Variants in RERE observed in about 807,000 individuals in gnomAD.
RERE encodes the protein arginine-glutamic acid dipeptide repeats protein.
In RERE, 40 loss-of-function variants were observed where a neutral mutation model predicts 146.1. The observed-to-expected ratio is 0.27, with a 90% CI of 0.21 to 0.36. The LOEUF (loss-of-function observed/expected upper bound fraction) is 0.36, where lower values mean the gene tolerates loss of function less well. Among genes scored for constraint, RERE ranks in the 10% least tolerant of loss-of-function variants. The pLI is 1.00. For missense variants in RERE, 1,933 were observed against 2,138.7 expected, an observed-to-expected ratio of 0.90 and a Z score of 1.90; for synonymous variants, 1,003 against 866.0, an observed-to-expected ratio of 1.16 and a Z score of -2.78.
intron 7 of RERE, among the ~76,000 whole-genome samples, chr1:8,532,795 A>G (rs560317386): frequency 1.8e-4 from 27 of 152,148 alleles, no homozygotes; most frequent in Non-Finnish European, 3.1e-4. Context: ...GGGGTTTCCC[A>G]TGTTGGCCAG....
intron 1 of RERE, among the ~76,000 whole-genome samples, chr1:8,755,764 A>G (rs995890553): frequency 1.1e-4 from 17 of 152,180 alleles, no homozygotes; most frequent in Non-Finnish European, 2.1e-4. Context: ...ATATTTCTAA[A>G]ATGCAAAACC....
intron 11 of RERE, among the ~76,000 whole-genome samples, chr1:8,427,505 T>C (rs1248181805): frequency 1.3e-5 from 2 of 152,054 alleles, no homozygotes; most frequent in Non-Finnish European, 2.9e-5. Flanking sequence ...ACTTGAACGT[T>C]TCACAGGTAT....
chr1:8,804,259 A>C (rs946026638), intron 1 of RERE, among the ~76,000 whole-genome samples: 3 of 152,350 alleles, frequency 2.0e-5, no homozygotes, highest in Middle Eastern at 3.4e-3. Flanking sequence ...AAGGCAGTTC[A>C]TCTTGTTAGA....
rs916058296 is a variant in RERE at position 8,564,812 on chromosome 1, G to A, written c.523-7289C>T. On this transcript the variant is annotated intron_variant, in intron 4 of 22. Coordinates refer to ENST00000400908, the MANE Select transcript of RERE (RefSeq NM_001042681.2). ...GACAGAAAATGTGGTGTGTGTGTAT[G>A]TATGTGTGTGTATATGTGTATGTGT... is the stretch of plus-strand genomic sequence containing the variant. Among the ~76,000 whole-genome samples, 6 of 119,846 alleles carry A rather than the reference G, an allele frequency of 5.0e-5. No individual in the cohort carries two copies. In the East Asian group the frequency reaches 7.4e-4, roughly 15 times the overall value. The allele number at this position is 119,846 out of a possible 152,430, so 78.6% of individuals were successfully genotyped here.
At chr1:8,504,190 C>T (rs1357160990) in intron 8 of RERE, among the ~76,000 whole-genome samples, 1 of 152,110 alleles carries the variant, frequency 6.6e-6, no homozygotes, top group Non-Finnish European at 1.5e-5. Context: ...TATGTAAATA[C>T]CACTTCCCAC....
At chr1:8,710,788 T>TA (rs1639651880) in intron 1 of RERE, among the ~76,000 whole-genome samples, 1 of 152,138 alleles carries the variant, frequency 6.6e-6, no homozygotes, top group African/African-American at 2.4e-5. Context: ...GTGCTGGGAT[T>TA]ACAGGCGTGA....
chr1:8,461,320 G>A (rs1201683334), intron 11 of RERE, among the ~76,000 whole-genome samples: 1 of 151,868 alleles, frequency 6.6e-6, no homozygotes, highest in Non-Finnish European at 1.5e-5. Flanking sequence ...CATAATATAT[G>A]TGAAATTGAT....
At chr1:8,706,241 C>A (rs1311856591) in intron 1 of RERE, among the ~76,000 whole-genome samples, 2 of 151,638 alleles carry the variant, frequency 1.3e-5, no homozygotes, top group Non-Finnish European at 2.9e-5. Context: ...ATCCTTTGAG[C>A]CTAGGAGTTT....
intron 12 of RERE, among the ~76,000 whole-genome samples, chr1:8,386,195 T>A (rs1642677039): frequency 6.6e-6 from 1 of 150,700 alleles, no homozygotes; most frequent in Non-Finnish European, 1.5e-5. Flanking sequence ...CTTGTAGGAC[T>A]ACAGTTAACT....
chr1:8,481,685 A>G (rs572359026), intron 10 of RERE, among the ~76,000 whole-genome samples: 3 of 152,364 alleles, frequency 2.0e-5, no homozygotes, highest in Admixed American at 2.0e-4. Context: ...GATACCTTAA[A>G]AAATAAAATT....
chr1:8,736,721 G>C (rs1385002910), intron 1 of RERE, among the ~76,000 whole-genome samples: 5 of 151,972 alleles, frequency 3.3e-5, no homozygotes, highest in Non-Finnish European at 7.4e-5. Context: ...CCAAGGGACA[G>C]TCAAGTAAAG....
intron 1 of RERE, among the ~76,000 whole-genome samples, chr1:8,810,240 C>T (rs1283908418): frequency 6.6e-6 from 1 of 151,428 alleles, no homozygotes; most frequent in African/African-American, 2.5e-5. Context: ...CCTCAGGTCA[C>T]CCATCCGCCT....
chr1:8,617,668 G>A (rs1646869861), intron 3 of RERE, among the ~76,000 whole-genome samples: 1 of 152,148 alleles, frequency 6.6e-6, no homozygotes, highest in Admixed American at 6.5e-5. Context: ...CAACTGATGT[G>A]TCACACAGGA....
chr1:8,695,554 T>C (rs954919521), intron 1 of RERE, among the ~76,000 whole-genome samples: 1 of 128,702 alleles, frequency 7.8e-6, no homozygotes, highest in Admixed American at 9.3e-5. Flanking sequence ...GTTTGAGATC[T>C]GCCTGAACAA....
At chr1:8,757,919 C>CACACACACACACACAT (rs57264533) in intron 1 of RERE, among the ~76,000 whole-genome samples, 19,988 of 150,648 alleles carry the variant, frequency 0.13, 1,740 homozygotes, top group Non-Finnish European at 0.18. Context: ...CATACACACA[C>CACACACACACACACAT]ACACACACAC....
chr1:8,497,952 T>C (rs568995309), intron 8 of RERE, among the ~76,000 whole-genome samples: 8 of 152,356 alleles, frequency 5.3e-5, no homozygotes, highest in African/African-American at 1.7e-4. Flanking sequence ...CTAAGGATAT[T>C]TGCTAAAAAA....
intron 11 of RERE, among the ~76,000 whole-genome samples, chr1:8,437,641 A>G (rs956947985): frequency 3.3e-5 from 5 of 152,314 alleles, no homozygotes; most frequent in African/African-American, 1.2e-4. Flanking sequence ...CTTGCTGACA[A>G]TATTGGTAAT....
intron 7 of RERE, among the ~76,000 whole-genome samples, chr1:8,528,956 T>C (rs1335006738): frequency 6.6e-6 from 1 of 152,214 alleles, no homozygotes; most frequent in Non-Finnish European, 1.5e-5. Flanking sequence ...GGAGTGGAAT[T>C]TTCCACTTGT....
rs530587006 is a variant in RERE at position 8,655,930 on chromosome 1, C to T, written c.325+43G>A. The T allele has an allele frequency of 2.0e-5, 32 of 1,589,354 alleles. No individual in the cohort carries two copies. In the African/African-American group the frequency reaches 3.9e-4, roughly 20 times the overall value. Reference sequence around the variant, plus strand: ...TTCACCATAATGCCAAGATCATTCCCCCACTGTAAACATTGGCAAGACCCA... The same window carrying T: ...TTCACCATAATGCCAAGATCATTCCTCCACTGTAAACATTGGCAAGACCCA... On this transcript the variant is annotated intron_variant, in intron 2 of 22. Transcript: ENST00000400908.
Sources: gnomAD v4.1 joint callset for allele counts (sites outside exome capture counted in the v4.1 genomes callset) on GRCh38, gnomAD v4.1.1 for gene constraint, MANE v1.5 for transcripts, NCBI Gene and HGNC (gene_info 2026-07-23, HGNC 2026-07-21) for gene names.